TRIM50: variants seen among roughly 807,000 people sequenced by gnomAD.
TRIM50 encodes the protein tripartite motif containing 50.
A neutral mutation model predicts 44.9 loss-of-function variants in TRIM50; 34 were observed. That is an observed-to-expected ratio of 0.76 (90% CI 0.58 to 1.01). The LOEUF is 1.01. TRIM50 is among the 50% of genes least tolerant of loss of function. The pLI, the probability that TRIM50 is intolerant of heterozygous loss-of-function variation, is 0.00. For synonymous variants in TRIM50, 307 were observed against 291.1 expected (o/e 1.05, Z -0.56); for missense variants, 633 against 663.7 (o/e 0.95, Z 0.51).
intron 2 of TRIM50, 26 bp from the exon 3 acceptor site, chr7:73,320,268 T>C: frequency 1.2e-6 from 2 of 1,613,988 alleles, no homozygotes; most frequent in Admixed American, 1.7e-5. Flanking sequence ...CATGGCCCCA[T>C]GAGCAGCTGA....
chr7:73,326,993 G>A (rs1320758845), intron 1 of TRIM50, among the ~76,000 whole-genome samples: 2 of 152,162 alleles, frequency 1.3e-5, no homozygotes, highest in African/African-American at 4.8e-5. Context: ...GTTTCATCAT[G>A]TGGGGCAGGC....
rs374313766 is a variant in TRIM50, at chr7:73,320,236, G to A, written c.406C>T (p.Leu136Phe). The A allele has an allele frequency of 4.3e-6, 7 of 1,613,996 alleles. No individual in the cohort carries two copies. The highest frequency in any genetic ancestry group is 2.7e-5 in the African/African-American group (2 of 75,048). The change falls in exon 3 of 7, where the codon CTC (leucine) becomes TTC (phenylalanine). Residue 136 changes from leucine (L) to phenylalanine (F), a missense_variant. Transcript: ENST00000333149. ...STVYSRMKEE[L>F]AALISELKQE... ...TTCAGCTCAGAGATGAGGGCTGCGA[G>A]CTCCTCCTGGAGGCAACAGGCCATG...
rs574603056 is a variant in TRIM50, at chr7:73,319,802, G to C, written c.495+345C>G. Among the ~76,000 whole-genome samples, 9 of 152,302 alleles carry C rather than the reference G, an allele frequency of 5.9e-5. No homozygotes were observed. The East Asian group carries it at 1.7e-3, about 29-fold the overall frequency. On this transcript the variant is annotated intron_variant, in intron 3 of 6. Coordinates refer to ENST00000333149, the MANE Select transcript of TRIM50 (RefSeq NM_178125.3). ...CTCCACGCCTGAGCACCCAGGTACT[G>C]GGAGGGCACCATGACAGGCTGGCAA...
At chr7:73,321,845 G>A (rs1249227976) in intron 2 of TRIM50, 2 of 152,118 alleles carry the variant, frequency 1.3e-5, no homozygotes, top group Admixed American at 6.5e-5. Flanking sequence ...GCCCAAGAAC[G>A]ACATTCCAAT....
In TRIM50 at chr7:73,324,723, A is replaced by C. The variant is rs782463575; in HGVS notation, c.65T>G (p.Val22Gly). 1.2e-6 allele frequency: 2 copies of C among 1,613,866 alleles called. No homozygotes were observed. The highest frequency in any genetic ancestry group is 2.2e-5 in the South Asian group (2 of 91,058). The change falls in exon 2 of 7, where the codon GTC becomes GGC. Residue 22 changes from valine to glycine, a missense_variant. Coordinates refer to ENST00000333149, the MANE Select transcript of TRIM50 (RefSeq NM_178125.3). ...CTGCAGCATCAGGGGCTCCTTGAAG[A>C]CCTCCAGGCAGATGGGACACTGAAG... ...DRLQCPICLE[V>G]FKEPLMLQCG...
In TRIM50 at chr7:73,313,098, A is replaced by G. The variant is rs782149083; in HGVS notation, c.1287T>C (p.Asp429=). 6.3e-6 allele frequency: 10 copies of G among 1,593,946 alleles called. No individual in the cohort carries two copies. Among genetic ancestry groups the G allele is most frequent in the African/African-American group, 1.3e-5 (1 of 74,682 alleles). The change falls in exon 7 of 7, where the codon GAT becomes GAC. Residue 429 remains aspartate, a synonymous_variant. Transcript: ENST00000333149. The surrounding 1 kb of genome is among the most constrained non-coding windows in gnomAD (Gnocchi z 4.9). ...HYEQGELTFF[D]ADRPDDLRPL... ...GCCGCAGGTCATCGGGGCGGTCGGC[A>G]TCGAAGAAGGTGAGTTCGCCCTGCT...
In TRIM50 at chr7:73,324,751, G is replaced by A. The variant is rs28626137; in HGVS notation, c.37C>T (p.Arg13Trp). Residue 13 changes from arginine to tryptophan, a missense_variant, in exon 2 of 7, where the codon CGG becomes TGG. Coordinates refer to ENST00000333149, the MANE Select transcript of TRIM50 (RefSeq NM_178125.3). ...TCCAGGCAGATGGGACACTGAAGCC[G>A]GTCCTCCAGCTCTGGCAGGCTCACC... is the stretch of plus-strand genomic sequence containing the variant. ...WQVSLPELEDRLQCPICLEVF... is the reference protein window; with the variant it reads ...WQVSLPELEDWLQCPICLEVF... 243 of 1,614,084 alleles carry A rather than the reference G, an allele frequency of 1.5e-4. 1 individual carries two copies. The African/African-American group carries it at 1.8e-3, about 12-fold the overall frequency.
At position 73,312,883 on chromosome 7, in the gene TRIM50, C is replaced by T. The variant is rs782616032; in HGVS notation, c.*38G>A. ...AGCCCGCGAGTCCCCGGTGCCCCGC[C>T]GGGATGGGCCTGTGGGCCGGCAGGA... On this transcript the variant is annotated 3_prime_UTR_variant, in exon 7 of 7. Coordinates refer to ENST00000333149, the MANE Select transcript of TRIM50 (RefSeq NM_178125.3). 130 of 1,460,746 alleles carry T rather than the reference C, an allele frequency of 8.9e-5. No homozygotes were observed. Among genetic ancestry groups the T allele is most frequent in the Non-Finnish European group, 1.1e-4 (125 of 1,104,180 alleles). 90.5% of individuals were successfully genotyped at this position (1,460,746 alleles called of 1,614,324 possible). A position where few individuals can be genotyped will look rare whatever the true frequency, so the allele number is the denominator to read the frequency against.
intron 5 of TRIM50, among the ~76,000 whole-genome samples, chr7:73,317,207 C>T (rs1804383950): frequency 6.6e-6 from 1 of 152,002 alleles, no homozygotes; most frequent in Admixed American, 6.6e-5. Flanking sequence ...GCATGTGCCA[C>T]CATGCCCAGC....
At chr7:73,326,481 A>G (rs1426091779) in intron 1 of TRIM50, among the ~76,000 whole-genome samples, 1 of 151,814 alleles carries the variant, frequency 6.6e-6, no homozygotes, top group Non-Finnish European at 1.5e-5. Context: ...AACATATACA[A>G]GTGTGCAAAT....
In TRIM50 at chr7:73,313,218, C is replaced by T. The variant is rs143576795; in HGVS notation, c.1167G>A (p.Leu389=). ...SPEHGVWLIG[L]KEGRVYEAFA... ...AGGCTTCGTACACCCGGCCCTCCTT[C>T]AGGCCGATCAGCCACACGCCGTGCT... is the stretch of plus-strand genomic sequence containing the variant. Residue 389 remains leucine, a synonymous_variant, in exon 7 of 7, where the codon CTG becomes CTA. Coordinates refer to ENST00000333149, the MANE Select transcript of TRIM50 (RefSeq NM_178125.3). The surrounding 1 kb of genome is among the most constrained non-coding windows in gnomAD (Gnocchi z 4.9). The T allele has an allele frequency of 7.6e-5, 121 of 1,592,328 alleles. No homozygotes were observed. Among genetic ancestry groups the T allele is most frequent in the Non-Finnish European group, 6.0e-6 (7 of 1,169,938 alleles).
In TRIM50 at chr7:73,313,670, C is replaced by CTGAATGAATGAATGAATGAA. The variant is rs3040866; in HGVS notation, c.875-180_875-161dup. On this transcript the variant is annotated intron_variant, in intron 6 of 6. Coordinates refer to ENST00000333149, the MANE Select transcript of TRIM50 (RefSeq NM_178125.3). The surrounding 1 kb of genome is among the most constrained non-coding windows in gnomAD (Gnocchi z 4.9). ...GAAGGGGCCAGTACAGGGCTGCTCCCTGAATGAATGAATGAATGAATGAAT... is the reference window on the plus strand; with the variant it reads ...GAAGGGGCCAGTACAGGGCTGCTCCCTGAATGAATGAATGAATGAATGAATGAATGAATGAATGAATGAAT... 4.0e-5 allele frequency among the ~76,000 whole-genome samples: 6 copies of CTGAATGAATGAATGAATGAA among 148,924 alleles called. No homozygotes were observed. Among genetic ancestry groups the CTGAATGAATGAATGAATGAA allele is most frequent in the Admixed American group, 6.7e-5 (1 of 14,930 alleles).
chr7:73,322,140 G>A (rs1318044436), intron 2 of TRIM50, among the ~76,000 whole-genome samples: 14 of 152,220 alleles, frequency 9.2e-5, no homozygotes, highest in African/African-American at 3.4e-4. Flanking sequence ...ACGAGGTCAG[G>A]AGATCGAGAC....
chr7:73,316,799 A>G (rs1804372196), intron 5 of TRIM50, 110 bp from the exon 6 acceptor site: 1 of 1,489,164 alleles, frequency 6.7e-7, no homozygotes, highest in African/African-American at 1.4e-5. Flanking sequence ...GACTGCAGTC[A>G]CAATGCCCAT....
intron 6 of TRIM50, chr7:73,315,346 CT>C (rs71071927): frequency 0.023 from 3,261 of 140,664 alleles, 108 homozygotes; most frequent in African/African-American, 0.066. Flanking sequence ...CTTATCTTTC[CT>C]TTTTTTTTTT....
intron 2 of TRIM50, among the ~76,000 whole-genome samples, chr7:73,321,679 T>A (rs1434311264): frequency 1.3e-5 from 2 of 152,210 alleles, no homozygotes; most frequent in Non-Finnish European, 2.9e-5. Flanking sequence ...TTTGTACCCA[T>A]GCAATATACA....
At position 73,316,560 on chromosome 7, in the gene TRIM50, C is replaced by T; in HGVS notation, c.874+5G>A. ...CTCAGGAAGGAGGACGGGTCAGGGC[C>T]TCACCTGGCAAAACTTTCCGGAAGA... On this transcript the variant is annotated splice_donor_5th_base_variant and intron_variant, in intron 6 of 6. Transcript: ENST00000333149. The T allele has an allele frequency of 6.2e-7, 1 of 1,614,086 alleles. No homozygotes were observed. The highest frequency in any genetic ancestry group is 8.5e-7 in the Non-Finnish European group (1 of 1,179,980).
intron 6 of TRIM50, chr7:73,314,845 CAAAAAA>C (rs781899232): frequency 2.2e-4 from 16 of 72,132 alleles, no homozygotes; most frequent in South Asian, 5.2e-4. Context: ...GACTCTGTCT[CAAAAAA>C]AAAAAAAAAA....
chr7:73,322,747 C>G (rs1461891495), intron 2 of TRIM50, among the ~76,000 whole-genome samples: 2 of 152,186 alleles, frequency 1.3e-5, no homozygotes, highest in African/African-American at 2.4e-5. Context: ...TTGGGGTCAT[C>G]ATCAGTGTCT....
Sources: allele counts gnomAD v4.1 joint callset (sites outside exome capture counted in the v4.1 genomes callset), GRCh38; gene constraint gnomAD v4.1.1; non-coding constraint Gnocchi (gnomAD v3.1); transcripts MANE v1.5; gene names NCBI Gene and HGNC (gene_info 2026-07-23, HGNC 2026-07-21).